NKAIN3: variants seen among roughly 807,000 people sequenced by gnomAD.
The protein encoded by NKAIN3 is sodium/potassium-transporting ATPase subunit beta-1-interacting protein 3.
Under a neutral mutation model 30.2 loss-of-function variants are expected in NKAIN3, and 25 were observed. The observed-to-expected ratio is 0.83, with a 90% CI of 0.60 to 1.16. The LOEUF (loss-of-function observed/expected upper bound fraction) is 1.16. Ranked by LOEUF, NKAIN3 falls within the 50% of genes most tolerant of loss-of-function variation. NKAIN3 has a pLI of 0.00. For missense variants in NKAIN3, 225 were observed against 254.1 expected (o/e 0.89, Z 0.78); for synonymous variants, 91 against 89.6 (o/e 1.02, Z -0.09).
At chr8:62,802,686 C>G (rs2130697227) in intron 4 of NKAIN3, among the ~76,000 whole-genome samples, 1 of 152,106 alleles carries the variant, frequency 6.6e-6, no homozygotes, top group South Asian at 2.1e-4. Flanking sequence ...ACCATCGAGG[C>G]TAGGAAGAAA....
chr8:62,992,738 A>G (rs1824347410), intron 5 of NKAIN3, among the ~76,000 whole-genome samples: 1 of 152,072 alleles, frequency 6.6e-6, no homozygotes, highest in African/African-American at 2.4e-5. Flanking sequence ...ACTCAGAAGT[A>G]TATTCTAGCA....
intron 4 of NKAIN3, among the ~76,000 whole-genome samples, chr8:62,783,889 C>T (rs1424235376): frequency 6.6e-6 from 1 of 152,088 alleles, no homozygotes; most frequent in Non-Finnish European, 1.5e-5. Flanking sequence ...AAGTGATCCA[C>T]ATTCTTCAGC....
intron 1 of NKAIN3, among the ~76,000 whole-genome samples, chr8:62,566,323 T>G (rs1809748592): frequency 6.6e-6 from 1 of 152,104 alleles, no homozygotes; most frequent in Admixed American, 6.6e-5. Context: ...ATATATAATA[T>G]TTTATTATAA....
At chr8:62,678,671 C>T (rs1586080605) in intron 3 of NKAIN3, among the ~76,000 whole-genome samples, 5 of 149,854 alleles carry the variant, frequency 3.3e-5, no homozygotes, top group Middle Eastern at 3.5e-3. Context: ...TATATCATTA[C>T]ATTGATAATA....
intron 3 of NKAIN3, among the ~76,000 whole-genome samples, chr8:62,590,819 A>G (rs1810628826): frequency 6.6e-6 from 1 of 151,690 alleles, no homozygotes. Flanking sequence ...TTTTTTCTCC[A>G]CTATAATAAC....
intron 1 of NKAIN3, among the ~76,000 whole-genome samples, chr8:62,453,097 A>G (rs764039400): frequency 6.6e-6 from 1 of 152,210 alleles, no homozygotes; most frequent in Non-Finnish European, 1.5e-5. Context: ...CTTTTTGAGT[A>G]TTTTAAGTTT....
At chr8:62,511,194 C>A (rs899397920) in intron 1 of NKAIN3, among the ~76,000 whole-genome samples, 7 of 152,152 alleles carry the variant, frequency 4.6e-5, no homozygotes, top group African/African-American at 1.7e-4. Context: ...TGTTGTCCAA[C>A]AAATCACTTC....
rs904294029 is a variant in NKAIN3, at chr8:62,254,148, G to A, written c.54+5021G>A. ...GTAACAAAATGAATTGTTGTGCTTG[G>A]GTATCGTGTGTGTGTGTGTGTGTGT... On this transcript the variant is annotated intron_variant, in intron 1 of 6. Transcript: ENST00000623646. Among the ~76,000 whole-genome samples, 22 of 130,848 alleles carry A rather than the reference G, an allele frequency of 1.7e-4. No homozygotes were observed. The Admixed American group carries it at 1.9e-3, about 11-fold the overall frequency. The allele number at this position is 130,848 out of a possible 152,430, so 85.8% of individuals were successfully genotyped here. A position where few individuals can be genotyped will look rare whatever the true frequency, so the allele number is the denominator to read the frequency against.
intron 3 of NKAIN3, among the ~76,000 whole-genome samples, chr8:62,740,242 A>G (rs1343299066): frequency 6.6e-6 from 1 of 152,158 alleles, no homozygotes; most frequent in East Asian, 1.9e-4. Context: ...GAAGAAGTTC[A>G]ATTGGCATGA....
At chr8:62,448,488 A>AC (rs555190948) in intron 1 of NKAIN3, among the ~76,000 whole-genome samples, 6 of 150,600 alleles carry the variant, frequency 4.0e-5, no homozygotes, top group African/African-American at 7.3e-5. Context: ...AAAAAAAAAA[A>AC]AAGATAAAAA....
At chr8:62,442,288 T>G (rs1246862689) in intron 1 of NKAIN3, among the ~76,000 whole-genome samples, 3 of 152,028 alleles carry the variant, frequency 2.0e-5, no homozygotes, top group African/African-American at 7.2e-5. Flanking sequence ...TAATAGTCAT[T>G]GTCTATTCAT....
intron 1 of NKAIN3, among the ~76,000 whole-genome samples, chr8:62,564,715 T>C (rs1809695378): frequency 6.6e-6 from 1 of 152,154 alleles, no homozygotes; most frequent in Non-Finnish European, 1.5e-5. Context: ...CATAATAAAG[T>C]TAACCATTGC....
At chr8:62,612,716 A>G (rs1811334025) in intron 3 of NKAIN3, among the ~76,000 whole-genome samples, 2 of 151,788 alleles carry the variant, frequency 1.3e-5, no homozygotes, top group Admixed American at 1.3e-4. Context: ...CCTCTAGTGA[A>G]GGTAATTTTC....
intron 4 of NKAIN3, among the ~76,000 whole-genome samples, chr8:62,840,838 T>C (rs1271311001): frequency 6.6e-6 from 1 of 152,152 alleles, no homozygotes; most frequent in Non-Finnish European, 1.5e-5. Context: ...GAAAGAGTCA[T>C]CAAACCATGC....
At chr8:62,641,534 G>A (rs1296364084) in intron 3 of NKAIN3, among the ~76,000 whole-genome samples, 1 of 152,136 alleles carries the variant, frequency 6.6e-6, no homozygotes, top group Non-Finnish European at 1.5e-5. Context: ...TTGATAAGTG[G>A]TTGGGAGGAC....
chr8:62,461,304 C>T (rs762055052), intron 1 of NKAIN3, among the ~76,000 whole-genome samples: 27 of 152,208 alleles, frequency 1.8e-4, no homozygotes, highest in Non-Finnish European at 3.5e-4. Flanking sequence ...CCAGAATAGT[C>T]ATCAAACAAA....
At chr8:62,986,236 G>T (rs1017203448), downstream of NKAIN3, among the ~76,000 whole-genome samples, 1 of 152,176 alleles carries the variant, frequency 6.6e-6, no homozygotes, top group Non-Finnish European at 1.5e-5. Flanking sequence ...TATCTATAAG[G>T]AACATCTGAG....
intron 3 of NKAIN3, among the ~76,000 whole-genome samples, chr8:62,607,164 A>T (rs1018561895): frequency 1.4e-4 from 21 of 152,160 alleles, no homozygotes; most frequent in Non-Finnish European, 2.9e-4. Context: ...CACAGGCAAC[A>T]ATTTACAGAA....
intron 3 of NKAIN3, among the ~76,000 whole-genome samples, chr8:62,636,092 C>G (rs761061962): frequency 6.6e-6 from 1 of 152,132 alleles, no homozygotes; most frequent in Non-Finnish European, 1.5e-5. Context: ...ATGATTCCAG[C>G]TGGCAATGAG....
Sources: allele counts gnomAD v4.1 joint callset (sites outside exome capture counted in the v4.1 genomes callset), GRCh38; gene constraint gnomAD v4.1.1; transcripts MANE v1.5; gene names NCBI Gene and HGNC (gene_info 2026-07-23, HGNC 2026-07-21).